Variants in NBAS observed in about 807,000 individuals in gnomAD.
NBAS encodes the protein NAG/BC035112 fusion.
A neutral mutation model predicts 302.5 loss-of-function variants in NBAS; 219 were observed. The ratio of observed to expected loss-of-function variants is 0.72; its 90% CI spans 0.65 to 0.81. The LOEUF (loss-of-function observed/expected upper bound fraction) is 0.81, where lower values mean the gene tolerates loss of function less well. NBAS is among the 30% of genes least tolerant of loss of function. The pLI is 0.00. For missense variants in NBAS, 2,932 were observed against 2,841.6 expected (o/e 1.03, Z -0.72); for synonymous variants, 1,118 against 1,021.6 (o/e 1.09, Z -1.80).
At chr2:15,034,233 A>AG in the NBAS span, among the ~76,000 whole-genome samples, 11,514 of 68,106 alleles carry the variant, frequency 0.17, 1,392 homozygotes, top group Non-Finnish European at 0.19. Context: ...GGAAAGAAAG[A>AG]AGGAAAGAAA....
At chr2:14,978,835 C>A in the NBAS span, among the ~76,000 whole-genome samples, 6 of 152,190 alleles carry the variant, frequency 3.9e-5, no homozygotes, top group African/African-American at 1.4e-4. Flanking sequence ...TCCCTTCTCC[C>A]TTTTTCCCCC....
At chr2:15,495,171 T>C (rs1197492515) in intron 11 of NBAS, among the ~76,000 whole-genome samples, 1 of 152,198 alleles carries the variant, frequency 6.6e-6, no homozygotes. Flanking sequence ...CAAGAGATCC[T>C]GGAGCAATCG....
At chr2:15,123,547 C>A in the NBAS span, among the ~76,000 whole-genome samples, 3 of 152,228 alleles carry the variant, frequency 2.0e-5, 1 homozygote, top group South Asian at 6.2e-4. Context: ...ATCATGGGGG[C>A]AGATCCCTCA....
the NBAS span, among the ~76,000 whole-genome samples, chr2:15,066,870 AT>A: frequency 6.6e-6 from 1 of 152,188 alleles, no homozygotes; most frequent in South Asian, 2.1e-4. Flanking sequence ...ATCAAAGGAA[AT>A]AAAATCAGAA....
At chr2:14,943,930 T>C in the NBAS span, among the ~76,000 whole-genome samples, 1 of 152,106 alleles carries the variant, frequency 6.6e-6, no homozygotes, top group Non-Finnish European at 1.5e-5. Context: ...GGAACCACAT[T>C]GGTCCACAAA....
At chr2:15,166,443 T>C (rs185168684), downstream of NBAS, among the ~76,000 whole-genome samples, 10 of 152,342 alleles carry the variant, frequency 6.6e-5, no homozygotes, top group East Asian at 1.9e-3. Flanking sequence ...TCATATACTG[T>C]GACACTAGTG....
At chr2:15,551,216 T>G (rs1558432606) in intron 6 of NBAS, among the ~76,000 whole-genome samples, 1 of 152,192 alleles carries the variant, frequency 6.6e-6, no homozygotes, top group Non-Finnish European at 1.5e-5. Flanking sequence ...TATTTCTGCA[T>G]TTAATCCAAA....
chr2:15,415,677 C>G lies in NBAS; in HGVS notation c.2806G>C (p.Val936Leu), dbSNP rs777250705. Residue 936 changes from valine (V) to leucine (L), a missense_variant, in exon 25 of 52, where the codon GTT (valine) becomes CTT (leucine). Coordinates refer to ENST00000281513, the MANE Select transcript of NBAS (RefSeq NM_015909.4). Reference sequence around the variant, plus strand: ...TTCTCACAACGATGAAGAAAGGGAACCATCCACTGGTAGGCACTTGTCACA... The same window carrying G: ...TTCTCACAACGATGAAGAAAGGGAAGCATCCACTGGTAGGCACTTGTCACA... ...KYVTSAYQWMVPFLHRCEKQS... is the reference protein window; with the variant it reads ...KYVTSAYQWMLPFLHRCEKQS... 1 of 1,614,056 alleles carries G rather than the reference C, an allele frequency of 6.2e-7. No homozygotes were observed. The highest frequency in any genetic ancestry group is 8.5e-7 in the Non-Finnish European group (1 of 1,180,034).
intron 51 of NBAS, among the ~76,000 whole-genome samples, chr2:15,169,275 CTTTGTT>C (rs1664181264): frequency 6.6e-6 from 1 of 152,058 alleles, no homozygotes; most frequent in Admixed American, 6.5e-5. Flanking sequence ...AGGAATTTAC[CTTTGTT>C]TTTGTTTTTA....
At chr2:15,261,554 T>G (rs558673900) in intron 44 of NBAS, among the ~76,000 whole-genome samples, 1 of 152,320 alleles carries the variant, frequency 6.6e-6, no homozygotes, top group Non-Finnish European at 1.5e-5. Context: ...TACCTTAAAC[T>G]TAACCCTTTG....
At chr2:15,130,746 C>T in the NBAS span, among the ~76,000 whole-genome samples, 1 of 152,212 alleles carries the variant, frequency 6.6e-6, no homozygotes, top group African/African-American at 2.4e-5. Context: ...CATCTCTTCT[C>T]GAAGTCTCCG....
chr2:14,858,032 C>T, the NBAS span, among the ~76,000 whole-genome samples: 1 of 152,060 alleles, frequency 6.6e-6, no homozygotes, highest in African/African-American at 2.4e-5. Flanking sequence ...ATGGTCATTT[C>T]TCAAAAGAAG....
At chr2:15,318,367 T>C (rs936549038) in intron 38 of NBAS, among the ~76,000 whole-genome samples, 2 of 152,134 alleles carry the variant, frequency 1.3e-5, no homozygotes, top group Non-Finnish European at 2.9e-5. Context: ...GCTAACATCA[T>C]AAAGACAGGA....
intron 40 of NBAS, among the ~76,000 whole-genome samples, chr2:15,307,463 C>T (rs1671080704): frequency 6.6e-6 from 1 of 152,094 alleles, no homozygotes. Context: ...AAGAATCCTG[C>T]CTCAATAAAA....
At chr2:14,906,082 A>C in the NBAS span, among the ~76,000 whole-genome samples, 1 of 152,174 alleles carries the variant, frequency 6.6e-6, no homozygotes, top group African/African-American at 2.4e-5. Flanking sequence ...TAGGCACTCC[A>C]GCAGTGGTAA....
chr2:15,311,002 C>T (rs955123463), intron 38 of NBAS, among the ~76,000 whole-genome samples: 2 of 152,172 alleles, frequency 1.3e-5, no homozygotes, highest in African/African-American at 4.8e-5. Flanking sequence ...ATTGTCAGAA[C>T]CAGAAAGTCC....
the NBAS span, among the ~76,000 whole-genome samples, chr2:15,154,192 T>G: frequency 2.6e-5 from 4 of 152,242 alleles, no homozygotes; most frequent in Non-Finnish European, 5.9e-5. Flanking sequence ...TGAAAAATTA[T>G]GTATTGGGTA....
At chr2:15,186,702 AAGGCCACTCCTT>A (rs1665103268) in intron 50 of NBAS, 28 bp downstream of exon 50, 2 of 1,613,340 alleles carry the variant, frequency 1.2e-6, no homozygotes, top group South Asian at 2.2e-5. Context: ...CTGATAAGCA[AAGGCCACTCCTT>A]AGGAAAGCAC....
chr2:15,239,399 G>GTATATATA lies in NBAS; in HGVS notation c.5725-714_5725-713insTATATATA, dbSNP rs374042921. On this transcript the variant is annotated intron_variant, in intron 44 of 51. Coordinates refer to ENST00000281513, the MANE Select transcript of NBAS (RefSeq NM_015909.4). ...TGTGTGTATGTGTGCGTGTGTGTGT[G>GTATATATA]TGTATATATATATATATATATGTTG... Among the ~76,000 whole-genome samples the GTATATATA allele has an allele frequency of 3.9e-3, 518 of 133,998 alleles. 3 individuals are homozygous for GTATATATA. Among genetic ancestry groups the GTATATATA allele is most frequent in the East Asian group, 0.013 (64 of 4,920 alleles). The allele number at this position is 133,998 out of a possible 152,430, so 87.9% of individuals were successfully genotyped here. A position where few individuals can be genotyped will look rare whatever the true frequency, so the allele number is the denominator to read the frequency against.
Sources: gnomAD v4.1 joint callset for allele counts (sites outside exome capture counted in the v4.1 genomes callset) on GRCh38, gnomAD v4.1.1 for gene constraint, MANE v1.5 for transcripts, NCBI Gene and HGNC (gene_info 2026-07-23, HGNC 2026-07-21) for gene names.